Variants in RFX3 observed in about 807,000 individuals in gnomAD.
RFX3 encodes regulatory factor X3.
A neutral mutation model predicts 98.6 loss-of-function variants in RFX3; 14 were observed. The ratio of observed to expected loss-of-function variants is 0.14; its 90% CI spans 0.09 to 0.22. The LOEUF (loss-of-function observed/expected upper bound fraction) is 0.22, where lower values mean the gene tolerates loss of function less well. Among genes scored for constraint, RFX3 ranks in the 10% least tolerant of loss-of-function variants. RFX3 has a pLI of 1.00. For missense variants in RFX3, 639 were observed against 926.9 expected (o/e 0.69, Z 4.03); for synonymous variants, 383 against 328.4 (o/e 1.17, Z -1.80).
chr9:3,292,339 T>C (rs149416224), intron 6 of RFX3, among the ~76,000 whole-genome samples: 51 of 152,206 alleles, frequency 3.4e-4, no homozygotes, highest in African/African-American at 1.2e-3. Flanking sequence ...TTCATGATAT[T>C]TTGGTTAGTG....
At chr9:3,454,035 G>A (rs1846923301) in intron 1 of RFX3, among the ~76,000 whole-genome samples, 1 of 152,080 alleles carries the variant, frequency 6.6e-6, no homozygotes, top group Non-Finnish European at 1.5e-5. Flanking sequence ...TATATTAGCT[G>A]TTTAAATGGA....
intron 1 of RFX3, among the ~76,000 whole-genome samples, chr9:3,447,242 T>C (rs1846134252): frequency 6.6e-6 from 1 of 152,004 alleles, no homozygotes; most frequent in Admixed American, 6.6e-5. Context: ...AAAAAAAAAC[T>C]GAAGTGCTCT....
At chr9:3,373,816 C>T (rs1172590858) in intron 2 of RFX3, among the ~76,000 whole-genome samples, 5 of 152,106 alleles carry the variant, frequency 3.3e-5, no homozygotes, top group African/African-American at 7.2e-5. Context: ...CAGTGGCTCA[C>T]GCCTGTAATC....
Position 3,444,479 on chromosome 9 carries a change from C to T in RFX3, c.-8-48883G>A, listed in dbSNP as rs148693743. 5.9e-3 allele frequency among the ~76,000 whole-genome samples: 899 copies of T among 151,446 alleles called. 3 individuals carry two copies. Among genetic ancestry groups the T allele is most frequent in the Non-Finnish European group, 8.6e-3 (586 of 67,844 alleles). On this transcript the variant is annotated intron_variant, in intron 1 of 16. Transcript: ENST00000617270. ...TAGGGACACAGGGAAACTTCTGGGGCGATAGTATATACACTATCTTGATTG... is the reference window on the plus strand; with the variant it reads ...TAGGGACACAGGGAAACTTCTGGGGTGATAGTATATACACTATCTTGATTG...
At chr9:3,378,799 G>A (rs186445101) in intron 2 of RFX3, among the ~76,000 whole-genome samples, 3 of 151,826 alleles carry the variant, frequency 2.0e-5, no homozygotes, top group East Asian at 3.9e-4. Flanking sequence ...CAGGTGGTCC[G>A]TCTTCCTCAG....
intron 1 of RFX3, among the ~76,000 whole-genome samples, chr9:3,448,906 A>G (rs1208822862): frequency 6.6e-6 from 1 of 152,222 alleles, no homozygotes; most frequent in Non-Finnish European, 1.5e-5. Context: ...TTCAACCCAG[A>G]AAACTCCAAA....
intron 4 of RFX3, among the ~76,000 whole-genome samples, chr9:3,314,565 G>T (rs1054008241): frequency 6.6e-6 from 1 of 152,120 alleles, no homozygotes; most frequent in Non-Finnish European, 1.5e-5. Context: ...CCAGTTAAAA[G>T]ACACAGACTG....
At chr9:3,364,374 G>C in intron 2 of RFX3, 1 of 204,668 alleles carries the variant, frequency 4.9e-6, no homozygotes, top group Non-Finnish European at 9.9e-6. Flanking sequence ...CTTCCCTATT[G>C]CCAGCATCTC....
chr9:3,423,489 G>C (rs1228483982), intron 1 of RFX3, among the ~76,000 whole-genome samples: 2 of 152,042 alleles, frequency 1.3e-5, no homozygotes, highest in Admixed American at 1.3e-4. Flanking sequence ...TAGCACATGA[G>C]TGAGTCTCAA....
chr9:3,457,564 T>C (rs141002748), intron 1 of RFX3, among the ~76,000 whole-genome samples: 6 of 152,198 alleles, frequency 3.9e-5, no homozygotes, highest in Non-Finnish European at 7.4e-5. Flanking sequence ...TAGTTTGTTC[T>C]TTTATTATTA....
intron 1 of RFX3, among the ~76,000 whole-genome samples, chr9:3,516,714 C>G (rs1353814643): frequency 6.6e-6 from 1 of 151,784 alleles, no homozygotes; most frequent in East Asian, 1.9e-4. Context: ...CATGCACTAG[C>G]TCGCTTTCGC....
chr9:3,393,054 T>C (rs1217224893), intron 2 of RFX3, among the ~76,000 whole-genome samples: 1 of 800 alleles, frequency 1.3e-3, no homozygotes, highest in Non-Finnish European at 2.9e-3. Context: ...GAAGGGTGGG[T>C]GGGCGGGTGG....
chr9:3,465,091 C>A (rs935819052), intron 1 of RFX3, among the ~76,000 whole-genome samples: 5 of 152,054 alleles, frequency 3.3e-5, no homozygotes, highest in African/African-American at 1.2e-4. Context: ...AGAAGAATCA[C>A]TAACTCATAA....
intron 2 of RFX3, among the ~76,000 whole-genome samples, chr9:3,372,136 C>T (rs537135457): frequency 6.6e-6 from 1 of 152,148 alleles, no homozygotes; most frequent in African/African-American, 2.4e-5. Flanking sequence ...TTTCTTGGTA[C>T]CCTAATACCT....
chr9:3,395,417 GA>G, intron 2 of RFX3, 54 bp downstream of exon 2: 5 of 1,594,760 alleles, frequency 3.1e-6, no homozygotes, highest in Non-Finnish European at 4.3e-6. Flanking sequence ...AGGTATGTTG[GA>G]CAGCCAACAT....
At chr9:3,248,509 T>C (rs865972757) in intron 14 of RFX3, among the ~76,000 whole-genome samples, 1 of 152,230 alleles carries the variant, frequency 6.6e-6, no homozygotes, top group Non-Finnish European at 1.5e-5. Flanking sequence ...TCTGAAAGAT[T>C]GACCACTCAT....
Position 3,271,036 on chromosome 9 carries a change from G to T in RFX3, c.1169C>A (p.Thr390Asn). The T allele has an allele frequency of 6.2e-7, 1 of 1,613,666 alleles. No individual in the cohort carries two copies. Among genetic ancestry groups the T allele is most frequent in the Non-Finnish European group, 8.5e-7 (1 of 1,179,622 alleles). The part of the protein sequence containing the change: ...WQTFWRYSPS[T>N]PTDGTTITES... The stretch of plus-strand genomic sequence containing the variant: ...GGTAATGGTAGTGCCATCAGTTGGA[G>T]TAGAGGGAGAATAGCGCCAGAATGT... The change falls in exon 10 of 17, where the codon ACT becomes AAT. Residue 390 changes from threonine (T) to asparagine (N), a missense_variant. By Grantham distance (65) the Thr-to-Asn change is moderately conservative (BLOSUM62 0). Around this residue, in one of 9 missense-constraint regions of RFX3, gnomAD observed 30 missense variants for 23.0 expected, o/e 1.30. Coordinates refer to ENST00000617270, the MANE Select transcript of RFX3 (RefSeq NM_001282116.2).
rs566594769 is a variant in RFX3, at chr9:3,397,409, GA to G, written c.-8-1814del. Among the ~76,000 whole-genome samples the G allele has an allele frequency of 6.6e-5, 10 of 152,268 alleles. 1 individual carries two copies. The South Asian group carries it at 2.1e-3, about 31-fold the overall frequency. ...ATTAATTTTTAACTAAGAAATTTTT[GA>G]AAGAGTATTCAGTTTTTCAAGGAGA... On this transcript the variant is annotated intron_variant, in intron 1 of 16. Coordinates refer to ENST00000617270, the MANE Select transcript of RFX3 (RefSeq NM_001282116.2).
At chr9:3,329,596 G>C (rs958338827) in intron 4 of RFX3, among the ~76,000 whole-genome samples, 9 of 152,048 alleles carry the variant, frequency 5.9e-5, no homozygotes. Context: ...CTCTCTGGTG[G>C]AATGCAACAC....
Sources: gnomAD v4.1 joint callset for allele counts (sites outside exome capture counted in the v4.1 genomes callset) on GRCh38, gnomAD v4.1.1 for gene constraint, gnomAD v4.1.1 regional missense constraint, MANE v1.5 for transcripts, NCBI Gene and HGNC (gene_info 2026-07-23, HGNC 2026-07-21) for gene names.